The following SRBD1 variants were observed in gnomAD, a reference collection of about 807,000 sequenced individuals.
SRBD1 encodes S1 RNA-binding domain-containing protein 1.
In SRBD1, 88 loss-of-function variants were observed where a neutral mutation model predicts 115.3. The observed-to-expected ratio is 0.76, with a 90% CI of 0.64 to 0.91. The LOEUF is 0.91. SRBD1 is among the 40% of genes least tolerant of loss of function. The pLI is 0.00. For missense variants in SRBD1, 1,385 were observed against 1,177.4 expected, an observed-to-expected ratio of 1.18 and a Z score of -2.58; for synonymous variants, 509 against 407.7, an observed-to-expected ratio of 1.25 and a Z score of -2.99.
At chr2:45,551,514 C>G (rs1232605494) in intron 11 of SRBD1, among the ~76,000 whole-genome samples, 1 of 152,082 alleles carries the variant, frequency 6.6e-6, no homozygotes, top group Non-Finnish European at 1.5e-5. Context: ...CCTACATTAC[C>G]TCTCTATCTG....
chr2:45,556,918 TTGCTGCTGC>T (rs553666915), intron 10 of SRBD1, among the ~76,000 whole-genome samples: 2 of 152,180 alleles, frequency 1.3e-5, no homozygotes, highest in African/African-American at 4.8e-5. Flanking sequence ...ATGTAAGTTT[TTGCTGCTGC>T]TGCTGCTGCT....
chr2:45,496,851 T>C (rs1348717549), intron 14 of SRBD1, among the ~76,000 whole-genome samples: 14 of 152,180 alleles, frequency 9.2e-5, no homozygotes, highest in Admixed American at 8.5e-4. Context: ...AGTTTGGATC[T>C]TGAAGATCTA....
intron 4 of SRBD1, among the ~76,000 whole-genome samples, chr2:45,597,203 C>G (rs1050870588): frequency 6.6e-6 from 1 of 152,056 alleles, no homozygotes; most frequent in Non-Finnish European, 1.5e-5. Flanking sequence ...GGCGGATCAC[C>G]AGGTCAGAAG....
chr2:45,590,600 G>C (rs571017435), intron 4 of SRBD1, among the ~76,000 whole-genome samples: 9 of 152,114 alleles, frequency 5.9e-5, no homozygotes, highest in Non-Finnish European at 1.2e-4. Flanking sequence ...GTAAGTGTCT[G>C]GCATTTCCTC....
At chr2:45,398,955 C>T (rs979192577) in intron 19 of SRBD1, among the ~76,000 whole-genome samples, 5 of 152,018 alleles carry the variant, frequency 3.3e-5, no homozygotes, top group African/African-American at 7.2e-5. Flanking sequence ...GCTATTATTG[C>T]TCCAAAGACA....
intron 16 of SRBD1, among the ~76,000 whole-genome samples, chr2:45,466,604 G>T (rs917524074): frequency 6.6e-6 from 1 of 152,112 alleles, no homozygotes; most frequent in African/African-American, 2.4e-5. Context: ...TATTTTAAAT[G>T]AGTACGTTCA....
intron 14 of SRBD1, among the ~76,000 whole-genome samples, chr2:45,511,560 T>A (rs1331762510): frequency 6.6e-6 from 1 of 152,190 alleles, no homozygotes; most frequent in Admixed American, 6.5e-5. Context: ...GGCAGGTACT[T>A]AAGTTGCCTA....
chr2:45,550,414 GA>G (rs1437766749), intron 12 of SRBD1, among the ~76,000 whole-genome samples: 4 of 147,732 alleles, frequency 2.7e-5, no homozygotes, highest in African/African-American at 7.5e-5. Flanking sequence ...GCAGCCAGAG[GA>G]AAAGGACATA....
chr2:45,490,168 T>C (rs1466347053), intron 14 of SRBD1, among the ~76,000 whole-genome samples: 1 of 152,140 alleles, frequency 6.6e-6, no homozygotes, highest in Non-Finnish European at 1.5e-5. Flanking sequence ...ATAAAGCTTG[T>C]AGTGAAGAAA....
At chr2:45,528,013 T>C (rs1016851354) in intron 14 of SRBD1, among the ~76,000 whole-genome samples, 3 of 151,888 alleles carry the variant, frequency 2.0e-5, no homozygotes, top group African/African-American at 7.2e-5. Context: ...GCTGAGGCAA[T>C]TTTGAATAAT....
At chr2:45,441,602 C>T (rs1472695430) in intron 16 of SRBD1, among the ~76,000 whole-genome samples, 1 of 152,134 alleles carries the variant, frequency 6.6e-6, no homozygotes, top group African/African-American at 2.4e-5. Flanking sequence ...TACATAGTAG[C>T]TACTCAATAA....
rs935286978 is a variant in SRBD1, at chr2:45,476,207, A to C, written c.2049+786T>G. On this transcript the variant is annotated intron_variant, in intron 16 of 20. Transcript: ENST00000263736. ...CCATGAGATCTTGGGTAAATGTCTT[A>C]AGTACTCCAGGACACTGCCTCTTTT... is the stretch of plus-strand genomic sequence containing the variant. 2.6e-5 allele frequency among the ~76,000 whole-genome samples: 4 copies of C among 152,290 alleles called. No individual in the cohort carries two copies. The South Asian group carries it at 8.3e-4, about 32-fold the overall frequency.
chr2:45,431,940 A>C (rs886233807), intron 16 of SRBD1, among the ~76,000 whole-genome samples: 5 of 152,166 alleles, frequency 3.3e-5, no homozygotes, highest in Non-Finnish European at 5.9e-5. Context: ...GTCAGCTGTA[A>C]ATATAAACTT....
At chr2:45,470,089 T>A (rs1558416620) in intron 16 of SRBD1, among the ~76,000 whole-genome samples, 1 of 152,226 alleles carries the variant, frequency 6.6e-6, no homozygotes, top group Non-Finnish European at 1.5e-5. Context: ...CACTTTACTA[T>A]GATAATTAAG....
chr2:45,518,624 C>A (rs1671190731), intron 14 of SRBD1, among the ~76,000 whole-genome samples: 1 of 152,156 alleles, frequency 6.6e-6, no homozygotes. Context: ...ATTTATACAA[C>A]ATGTTTGGTG....
At chr2:45,402,940 A>G (rs1667330053) in intron 19 of SRBD1, among the ~76,000 whole-genome samples, 1 of 152,198 alleles carries the variant, frequency 6.6e-6, no homozygotes, top group East Asian at 1.9e-4. Flanking sequence ...TGGGGAGAAT[A>G]ACCCCTAAAT....
At chr2:45,558,612 T>C (rs1301354731) in intron 10 of SRBD1, among the ~76,000 whole-genome samples, 1 of 152,088 alleles carries the variant, frequency 6.6e-6, no homozygotes, top group Non-Finnish European at 1.5e-5. Context: ...ATTTGCCCTA[T>C]TACATAGTTC....
At chr2:45,412,325 T>C (rs1197538289) in intron 19 of SRBD1, among the ~76,000 whole-genome samples, 1 of 152,104 alleles carries the variant, frequency 6.6e-6, no homozygotes, top group Admixed American at 6.5e-5. Context: ...GTTCACAGAA[T>C]ATTATTTTTT....
At chr2:45,609,026 C>T (rs751033133) in intron 1 of SRBD1, among the ~76,000 whole-genome samples, 6 of 152,144 alleles carry the variant, frequency 3.9e-5, no homozygotes, top group South Asian at 2.1e-4. Context: ...AGGCTGGTCT[C>T]GAACTCCTGG....
Sources: gnomAD v4.1 joint callset for allele counts (sites outside exome capture counted in the v4.1 genomes callset) on GRCh38, gnomAD v4.1.1 for gene constraint, MANE v1.5 for transcripts, NCBI Gene and HGNC (gene_info 2026-07-23, HGNC 2026-07-21) for gene names.